SPATA7: variants seen among roughly 807,000 people sequenced by gnomAD.
The protein encoded by SPATA7 is spermatogenesis associated 7, also known as spermatogenesis-associated protein 7.
A neutral mutation model predicts 51.8 loss-of-function variants in SPATA7; 43 were observed. That is an observed-to-expected ratio of 0.83 (90% CI 0.65 to 1.07). The LOEUF (loss-of-function observed/expected upper bound fraction) is 1.07, where lower values mean the gene tolerates loss of function less well. Among genes scored for constraint, SPATA7 ranks in the 50% least tolerant of loss-of-function variants. The pLI is 0.00. For missense variants in SPATA7, 683 were observed against 701.3 expected, an observed-to-expected ratio of 0.97 and a Z score of 0.30; for synonymous variants, 230 against 252.8, an observed-to-expected ratio of 0.91 and a Z score of 0.86.
intron 4 of SPATA7, among the ~76,000 whole-genome samples, chr14:88,397,677 A>G (rs2075926696): frequency 6.6e-6 from 1 of 151,898 alleles, no homozygotes; most frequent in South Asian, 2.1e-4. Flanking sequence ...AAAACCCATA[A>G]TGTTGACACA....
chr14:88,388,491 C>T (rs1200835911), intron 1 of SPATA7, among the ~76,000 whole-genome samples: 1 of 152,088 alleles, frequency 6.6e-6, no homozygotes, highest in Non-Finnish European at 1.5e-5. Context: ...TCTCCATGCC[C>T]CTTTGGCTCA....
intron 7 of SPATA7, chr14:88,428,186 G>C (rs73327446): frequency 6.6e-6 from 1 of 151,386 alleles, no homozygotes; most frequent in Admixed American, 6.6e-5. Context: ...TTTATTACAG[G>C]GTTTATATTT....
chr14:88,418,197 T>G (rs1236711000), intron 5 of SPATA7, among the ~76,000 whole-genome samples: 2 of 152,302 alleles, frequency 1.3e-5, no homozygotes, highest in Non-Finnish European at 2.9e-5. Context: ...AAGGACACAC[T>G]TTTTATTGTG....
In SPATA7 at chr14:88,426,443, C is replaced by G; in HGVS notation, c.584C>G (p.Ser195Cys). Residue 195 changes from serine (S) to cysteine (C), a missense_variant, in exon 6 of 12, where the codon TCT (serine) becomes TGT (cysteine). Ser to Cys is a moderately radical substitution (Grantham distance 112). Coordinates refer to ENST00000393545, the MANE Select transcript of SPATA7 (RefSeq NM_018418.5). Reference sequence around the variant, plus strand: ...GCCTCCGGGCCCCGGAAACTGAGCTCTGGAGCCCTGTATGGCAGAAGGCCC... The same window carrying G: ...GCCTCCGGGCCCCGGAAACTGAGCTGTGGAGCCCTGTATGGCAGAAGGCCC... Reference protein sequence around the residue: ...YAASGPRKLSSGALYGRRPRS... With the variant: ...YAASGPRKLSCGALYGRRPRS... 6.2e-7 allele frequency: 1 copy of G among 1,614,188 alleles called. No homozygotes were observed. The highest frequency in any genetic ancestry group is 8.5e-7 in the Non-Finnish European group (1 of 1,180,036).
chr14:88,432,039 C>G (rs2076956680), intron 9 of SPATA7, among the ~76,000 whole-genome samples: 1 of 152,070 alleles, frequency 6.6e-6, no homozygotes, highest in Non-Finnish European at 1.5e-5. Flanking sequence ...TTACCTGATA[C>G]TTTTTAATAA....
downstream of SPATA7, among the ~76,000 whole-genome samples, chr14:88,459,289 G>A (rs1162247218): frequency 6.6e-6 from 1 of 152,120 alleles, no homozygotes; most frequent in African/African-American, 2.4e-5. Flanking sequence ...TTAACTTTCT[G>A]TCTCGTTTAT....
intron 4 of SPATA7, among the ~76,000 whole-genome samples, chr14:88,397,823 T>G (rs553305866): frequency 1.1e-4 from 16 of 152,198 alleles, no homozygotes; most frequent in African/African-American, 3.4e-4. Flanking sequence ...TGATTTCAAT[T>G]AAGAAATGTA....
chr14:88,395,369 TA>T (rs2075853158), intron 3 of SPATA7, among the ~76,000 whole-genome samples: 2 of 152,090 alleles, frequency 1.3e-5, no homozygotes, highest in African/African-American at 2.4e-5. Flanking sequence ...TTTAAATGAC[TA>T]AAAAAACAAA....
chr14:88,461,649 G>T (rs1015493025), intron 4 of SPATA7, among the ~76,000 whole-genome samples: 1 of 152,106 alleles, frequency 6.6e-6, no homozygotes, highest in Non-Finnish European at 1.5e-5. Context: ...CTGACCCCTT[G>T]CACTTCCCGG....
intron 1 of SPATA7, 89 bp from the exon 2 acceptor site, chr14:88,391,292 T>A: frequency 9.1e-7 from 1 of 1,101,390 alleles, no homozygotes; most frequent in Non-Finnish European, 1.3e-6. Context: ...TGTGATAAAT[T>A]TATTATTTAA....
At chr14:88,388,263 A>G (rs2075637437) in intron 1 of SPATA7, among the ~76,000 whole-genome samples, 1 of 152,174 alleles carries the variant, frequency 6.6e-6, no homozygotes, top group Admixed American at 6.5e-5. Flanking sequence ...TAGATTTCCA[A>G]ACCTTTGGTT....
At chr14:88,458,689 T>C (rs866219208), downstream of SPATA7, among the ~76,000 whole-genome samples, 3 of 152,320 alleles carry the variant, frequency 2.0e-5, no homozygotes, top group Middle Eastern at 3.4e-3. Context: ...CCTGGATTCA[T>C]TGATTTTTTG....
chr14:88,402,854 CAG>C (rs2139910029), intron 4 of SPATA7, among the ~76,000 whole-genome samples: 1 of 146,864 alleles, frequency 6.8e-6, no homozygotes, highest in Admixed American at 7.2e-5. Flanking sequence ...AAACAATCGA[CAG>C]AGTGCATAGG....
At chr14:88,416,349 G>T (rs933634977) in intron 4 of SPATA7, 14 of 182,098 alleles carry the variant, frequency 7.7e-5, no homozygotes, top group Non-Finnish European at 2.2e-5. Flanking sequence ...GTGAATAACT[G>T]CTAAGAGTTG....
In SPATA7 at chr14:88,469,327, A is replaced by G. The variant is rs1264733480; in HGVS notation, c.255-520A>G. On this transcript the variant is annotated intron_variant, in intron 4 of 4. Coordinates refer to the SPATA7 transcript ENST00000556406. The surrounding 1 kb of genome is among the most constrained non-coding windows in gnomAD (Gnocchi z 4.3). ...GTGGCATTCTACTCACTACCAAATC[A>G]TAATTTATAAACCTCGTTAACCCTC... Among the ~76,000 whole-genome samples, 1 of 152,172 alleles carries G rather than the reference A, an allele frequency of 6.6e-6. No homozygotes were observed. The highest frequency in any genetic ancestry group is 2.4e-5 in the African/African-American group (1 of 41,434).
chr14:88,425,566 C>T (rs1488247801), intron 5 of SPATA7, among the ~76,000 whole-genome samples: 3 of 152,006 alleles, frequency 2.0e-5, no homozygotes, highest in Admixed American at 6.6e-5. Context: ...TGTTTTTAGA[C>T]TTTACAAATA....
chr14:88,426,249 A>G lies in SPATA7; in HGVS notation c.390A>G (p.Gln130=), dbSNP rs2076788755. 1.9e-6 allele frequency: 3 copies of G among 1,613,894 alleles called. No individual in the cohort carries two copies. Among genetic ancestry groups the G allele is most frequent in the East Asian group, 2.2e-5 (1 of 44,864 alleles). Residue 130 remains glutamine, a synonymous_variant, in exon 6 of 12, where the codon CAA becomes CAG. Transcript: ENST00000393545. The part of the protein sequence containing the change: ...NTLQKPSGEP[Q]IEDDMLKEEM... ...GTTCTTAGCCCTCAGGCGAACCGCAAATTGAGGATGACATGTTAAAAGAAG... is the reference window on the plus strand; with the variant it reads ...GTTCTTAGCCCTCAGGCGAACCGCAGATTGAGGATGACATGTTAAAAGAAG...
At chr14:88,396,712 G>C (rs1257342456) in intron 4 of SPATA7, among the ~76,000 whole-genome samples, 4 of 152,062 alleles carry the variant, frequency 2.6e-5, no homozygotes. Flanking sequence ...TTTGGCTGTT[G>C]TGAATAAACT....
chr14:88,419,708 G>T (rs946834837), intron 5 of SPATA7, among the ~76,000 whole-genome samples: 1 of 151,894 alleles, frequency 6.6e-6, no homozygotes, highest in African/African-American at 2.4e-5. Context: ...TGTATTTTTA[G>T]TAGAGACGGG....
Sources: allele counts gnomAD v4.1 joint callset (sites outside exome capture counted in the v4.1 genomes callset), GRCh38; gene constraint gnomAD v4.1.1; non-coding constraint Gnocchi (gnomAD v3.1); transcripts MANE v1.5; gene names NCBI Gene and HGNC (gene_info 2026-07-23, HGNC 2026-07-21).